The following AAK1 variants were observed in gnomAD, a reference collection of about 807,000 sequenced individuals.
AAK1 encodes the protein AP2 associated kinase 1.
A neutral mutation model predicts 116.0 loss-of-function variants in AAK1; 37 were observed. That is an observed-to-expected ratio of 0.32 (90% CI 0.25 to 0.42). The LOEUF (loss-of-function observed/expected upper bound fraction) is 0.42. Among genes scored for constraint, AAK1 ranks in the 10% least tolerant of loss-of-function variants. The probability of loss-of-function intolerance (pLI) is 1.00; values close to 1 mark genes in which losing one functional copy is unlikely to be tolerated. For missense variants in AAK1, 919 were observed against 1,170.6 expected (o/e 0.79, Z 3.14); for synonymous variants, 458 against 439.9 (o/e 1.04, Z -0.51).
intron 2 of AAK1, among the ~76,000 whole-genome samples, chr2:69,568,989 T>C (rs1381694273): frequency 6.6e-6 from 1 of 152,090 alleles, no homozygotes; most frequent in Non-Finnish European, 1.5e-5. Flanking sequence ...AAGAATTCTA[T>C]CCCCAAACCC....
chr2:69,493,922 C>T (rs907024016), intron 17 of AAK1, among the ~76,000 whole-genome samples: 1 of 152,136 alleles, frequency 6.6e-6, no homozygotes, highest in Non-Finnish European at 1.5e-5. Flanking sequence ...AGGGGAACAG[C>T]GCTCTCAGCT....
At chr2:69,486,185 C>T (rs977684908) in intron 17 of AAK1, among the ~76,000 whole-genome samples, 1 of 152,078 alleles carries the variant, frequency 6.6e-6, no homozygotes, top group African/African-American at 2.4e-5. Flanking sequence ...CAATCTTAAG[C>T]TCCTGGCCTC....
intron 2 of AAK1, among the ~76,000 whole-genome samples, chr2:69,641,002 T>C (rs536789769): frequency 2.6e-4 from 40 of 152,360 alleles, no homozygotes; most frequent in African/African-American, 9.6e-4. Flanking sequence ...AACTGTTGAA[T>C]GAATAAATGC....
chr2:69,507,703 C>T, intron 14 of AAK1, 125 bp from the exon 15 acceptor site: 1 of 933,614 alleles, frequency 1.1e-6, no homozygotes, highest in East Asian at 2.9e-5. Context: ...TTTTCCACCA[C>T]AGTATTTTTT....
intron 2 of AAK1, among the ~76,000 whole-genome samples, chr2:69,629,411 T>C (rs1457435391): frequency 6.6e-6 from 1 of 152,238 alleles, no homozygotes; most frequent in Non-Finnish European, 1.5e-5. Context: ...ATAGCTAAGA[T>C]ACACCCTATA....
intron 2 of AAK1, among the ~76,000 whole-genome samples, chr2:69,626,334 C>A (rs1674896142): frequency 6.6e-6 from 1 of 151,830 alleles, no homozygotes; most frequent in Admixed American, 6.6e-5. Flanking sequence ...GTCATCATTT[C>A]ACTGCCACCT....
chr2:69,487,339 C>T (rs1225050496), intron 17 of AAK1, among the ~76,000 whole-genome samples: 2 of 152,142 alleles, frequency 1.3e-5, no homozygotes. Context: ...CTGTCCTTTC[C>T]CTTACAGTTT....
Position 69,463,715 on chromosome 2 carries a change from G to A in AAK1, c.*12154C>T, listed in dbSNP as rs1646586308. 1 of 152,290 alleles carries A rather than the reference G, an allele frequency of 6.6e-6. No homozygotes were observed. The highest frequency in any genetic ancestry group is 6.5e-5 in the Admixed American group (1 of 15,278). The allele number at this position is 152,290 out of a possible 1,614,324, so 9.4% of individuals were successfully genotyped here. ...TTTAGTAGAGATGGGGTTTCACCAT[G>A]TTGGCCAGGCTGGTCTCAAACTCCT... On this transcript the variant is annotated 3_prime_UTR_variant, in exon 22 of 22. Transcript: ENST00000409085.
chr2:69,621,901 T>C (rs536537651), intron 2 of AAK1, among the ~76,000 whole-genome samples: 21 of 152,356 alleles, frequency 1.4e-4, no homozygotes, highest in African/African-American at 4.8e-4. Flanking sequence ...CTGATGTTAC[T>C]GAGAGGTGAC....
At chr2:69,507,637 G>C in intron 14 of AAK1, 59 bp from the exon 15 acceptor site, 6 of 1,405,902 alleles carry the variant, frequency 4.3e-6, no homozygotes, top group Non-Finnish European at 5.7e-6. Flanking sequence ...AAAACAAAAA[G>C]GGTCAACTTA....
intron 17 of AAK1, among the ~76,000 whole-genome samples, chr2:69,485,348 T>G (rs1194042595): frequency 3.3e-5 from 5 of 152,232 alleles, no homozygotes; most frequent in African/African-American, 9.6e-5. Flanking sequence ...ATGTTGTGAC[T>G]CTGGCACAGT....
At chr2:69,587,752 C>T (rs1253030650) in intron 2 of AAK1, among the ~76,000 whole-genome samples, 1 of 151,900 alleles carries the variant, frequency 6.6e-6, no homozygotes, top group African/African-American at 2.4e-5. Flanking sequence ...AGGTGTAAGC[C>T]ACTGCACCCA....
At chr2:69,520,785 C>T (rs775574398) in intron 11 of AAK1, 49 bp downstream of exon 11, 2 of 1,507,240 alleles carry the variant, frequency 1.3e-6, no homozygotes, top group Non-Finnish European at 1.8e-6. Context: ...CTCTGTTGTC[C>T]AGAATAACAA....
chr2:69,617,667 G>A (rs1368872373), intron 2 of AAK1, among the ~76,000 whole-genome samples: 1 of 152,204 alleles, frequency 6.6e-6, no homozygotes, highest in Non-Finnish European at 1.5e-5. Flanking sequence ...ATGCTTGAGT[G>A]TATGAGAGTG....
intron 13 of AAK1, among the ~76,000 whole-genome samples, chr2:69,511,390 A>G (rs1057394920): frequency 6.6e-6 from 1 of 152,202 alleles, no homozygotes; most frequent in Non-Finnish European, 1.5e-5. Context: ...ATGTTACAAT[A>G]TAAGGTTCTA....
chr2:69,605,223 C>T (rs569319697), intron 2 of AAK1, among the ~76,000 whole-genome samples: 1 of 152,280 alleles, frequency 6.6e-6, no homozygotes, highest in Non-Finnish European at 1.5e-5. Context: ...AAAGCCAGCA[C>T]ACAGAATGAT....
chr2:69,615,965 G>A (rs1462653786), intron 2 of AAK1, among the ~76,000 whole-genome samples: 1 of 152,190 alleles, frequency 6.6e-6, no homozygotes, highest in Admixed American at 6.5e-5. Context: ...ACTGGGCATG[G>A]TGGCTCATGC....
At chr2:69,505,095 CCTT>C (rs898153324) in intron 16 of AAK1, among the ~76,000 whole-genome samples, 2 of 151,360 alleles carry the variant, frequency 1.3e-5, no homozygotes, top group African/African-American at 4.9e-5. Context: ...ATACCTCCCT[CCTT>C]CTCCCCAACA....
chr2:69,537,985 T>C (rs1670547730), intron 5 of AAK1, among the ~76,000 whole-genome samples: 1 of 152,200 alleles, frequency 6.6e-6, no homozygotes, highest in African/African-American at 2.4e-5. Context: ...CTGATGATCT[T>C]CAATATTGAT....
Sources: allele counts gnomAD v4.1 joint callset (sites outside exome capture counted in the v4.1 genomes callset), GRCh38; gene constraint gnomAD v4.1.1; transcripts MANE v1.5; gene names NCBI Gene and HGNC (gene_info 2026-07-23, HGNC 2026-07-21).